The following MAF variants were observed in gnomAD, a reference collection of about 807,000 sequenced individuals.
The protein encoded by MAF is transcription factor Maf.
In MAF, 10 loss-of-function variants were observed where a neutral mutation model predicts 22.0. The observed-to-expected ratio is 0.45, with a 90% CI of 0.28 to 0.77. MAF has a LOEUF of 0.77. MAF is among the 30% of genes least tolerant of loss of function. The probability of loss-of-function intolerance (pLI) is 0.12; values close to 1 mark genes in which losing one functional copy is unlikely to be tolerated. For missense variants in MAF, 544 were observed against 548.4 expected (o/e 0.99, Z 0.08); for synonymous variants, 337 against 255.8 (o/e 1.32, Z -3.03).
the MAF span, among the ~76,000 whole-genome samples, chr16:79,355,496 G>A: frequency 6.6e-6 from 1 of 152,238 alleles, no homozygotes; most frequent in Admixed American, 6.5e-5. Flanking sequence ...AGAAGTGAGA[G>A]AAGGAGCCTG....
At chr16:79,582,995 C>T (rs1483285877), downstream of MAF, among the ~76,000 whole-genome samples, 2 of 152,150 alleles carry the variant, frequency 1.3e-5, no homozygotes, top group Admixed American at 1.3e-4. Flanking sequence ...TATGGCACCA[C>T]GTGGTTCACC....
At chr16:79,324,753 G>A in the MAF span, among the ~76,000 whole-genome samples, 4 of 151,776 alleles carry the variant, frequency 2.6e-5, no homozygotes, top group Non-Finnish European at 5.9e-5. Context: ...AGGTGAAGGG[G>A]GACTGTATTT....
the MAF span, among the ~76,000 whole-genome samples, chr16:79,450,768 G>C: frequency 6.6e-6 from 1 of 151,092 alleles, no homozygotes; most frequent in African/African-American, 2.4e-5. Flanking sequence ...GAGAAATTAA[G>C]AGAGAAACAA....
At chr16:79,251,881 A>G in the MAF span, among the ~76,000 whole-genome samples, 1 of 152,218 alleles carries the variant, frequency 6.6e-6, no homozygotes, top group East Asian at 1.9e-4. Flanking sequence ...AAGCCTTGAT[A>G]TTTAAACTTC....
chr16:79,519,547 C>T, the MAF span, among the ~76,000 whole-genome samples: 1 of 152,196 alleles, frequency 6.6e-6, no homozygotes, highest in African/African-American at 2.4e-5. Flanking sequence ...CTGTCCCTCC[C>T]TTTCTGCTGC....
chr16:79,540,049 T>C, the MAF span, among the ~76,000 whole-genome samples: 1 of 152,138 alleles, frequency 6.6e-6, no homozygotes, highest in South Asian at 2.1e-4. Flanking sequence ...GAGCCTCATT[T>C]GTGAGCTGTC....
chr16:79,594,607 G>A, intron 1 of MAF, 54 bp from the exon 2 acceptor site: 1 of 1,547,258 alleles, frequency 6.5e-7, no homozygotes, highest in Non-Finnish European at 8.7e-7. Context: ...ATCAAACGCA[G>A]CGTAAAGGGG....
At chr16:79,411,291 G>T in the MAF span, among the ~76,000 whole-genome samples, 2 of 152,164 alleles carry the variant, frequency 1.3e-5, no homozygotes, top group Admixed American at 6.5e-5. Flanking sequence ...CCTCTTTGGT[G>T]AATTAATTGG....
chr16:79,392,088 GAA>G, the MAF span, among the ~76,000 whole-genome samples: 3 of 149,274 alleles, frequency 2.0e-5, no homozygotes, highest in African/African-American at 7.4e-5. Context: ...TGCAGAGAAA[GAA>G]AAGAGAAAGA....
chr16:79,460,454 C>T, the MAF span, among the ~76,000 whole-genome samples: 7 of 152,270 alleles, frequency 4.6e-5, no homozygotes, highest in African/African-American at 1.7e-4. Context: ...TAACCCATTC[C>T]ACTTGGAACT....
At chr16:79,395,165 A>G in the MAF span, among the ~76,000 whole-genome samples, 2 of 152,176 alleles carry the variant, frequency 1.3e-5, no homozygotes, top group African/African-American at 4.8e-5. Context: ...GCACTGGGAC[A>G]CGTGTTTTGC....
At chr16:79,230,731 T>A in the MAF span, among the ~76,000 whole-genome samples, 8 of 152,116 alleles carry the variant, frequency 5.3e-5, 1 homozygote, top group Non-Finnish European at 1.0e-4. Flanking sequence ...TGATGGAGTG[T>A]GCTTTCTGAA....
the MAF span, among the ~76,000 whole-genome samples, chr16:79,413,210 G>GTTTTTT: frequency 3.9e-4 from 25 of 63,636 alleles, 7 homozygotes; most frequent in Non-Finnish European, 6.0e-4. Context: ...GAGCTGTGCA[G>GTTTTTT]TTTTTTTTTT....
At chr16:79,549,910 C>A in the MAF span, among the ~76,000 whole-genome samples, 1 of 152,170 alleles carries the variant, frequency 6.6e-6, no homozygotes, top group Non-Finnish European at 1.5e-5. Flanking sequence ...GAAAGCAGAC[C>A]TCCTAAATTG....
the MAF span, among the ~76,000 whole-genome samples, chr16:79,430,416 T>C: frequency 6.6e-6 from 1 of 152,096 alleles, no homozygotes. Flanking sequence ...AAACACCAAC[T>C]GGAAATTTTC....
the MAF span, among the ~76,000 whole-genome samples, chr16:79,428,421 C>T: frequency 7.9e-5 from 12 of 152,316 alleles, no homozygotes; most frequent in African/African-American, 1.2e-4. Flanking sequence ...CAATGTTGCA[C>T]GGGACGTGGT....
At chr16:79,598,715 C>T (rs894285891) in intron 1 of MAF, 70 bp downstream of exon 1, 3 of 1,602,884 alleles carry the variant, frequency 1.9e-6, no homozygotes, top group Admixed American at 1.7e-5. Context: ...AACTAGCAAG[C>T]CCACACCCGA....
At chr16:79,345,726 C>CAAAAA in the MAF span, among the ~76,000 whole-genome samples, 6 of 68,350 alleles carry the variant, frequency 8.8e-5, no homozygotes, top group Non-Finnish European at 1.2e-4. Flanking sequence ...GACTCCGTCT[C>CAAAAA]AAAAAAAAAA....
the MAF span, among the ~76,000 whole-genome samples, chr16:79,439,025 C>T: frequency 6.6e-6 from 1 of 152,076 alleles, no homozygotes; most frequent in African/African-American, 2.4e-5. Context: ...TCCAAAGCCC[C>T]TTCTATCTTA....
Sources: gnomAD v4.1 joint callset for allele counts (sites outside exome capture counted in the v4.1 genomes callset) on GRCh38, gnomAD v4.1.1 for gene constraint, MANE v1.5 for transcripts, NCBI Gene and HGNC (gene_info 2026-07-23, HGNC 2026-07-21) for gene names.